Variants in MAN2A1 observed in about 807,000 individuals in gnomAD.
The protein encoded by MAN2A1 is mannosidase alpha class 2A member 1, also known as alpha-mannosidase 2.
Under a neutral mutation model 142.6 loss-of-function variants are expected in MAN2A1, and 76 were observed. The observed-to-expected ratio is 0.53, with a 90% confidence interval of 0.44 to 0.65. The LOEUF is 0.65. Ranked by LOEUF, MAN2A1 falls within the 30% of genes least tolerant of loss-of-function variation. The pLI, the probability that MAN2A1 is intolerant of heterozygous loss-of-function variation, is 0.00. For synonymous variants in MAN2A1, 559 were observed against 473.2 expected, an observed-to-expected ratio of 1.18 and a Z score of -2.35; for missense variants, 1,311 against 1,365.1, an observed-to-expected ratio of 0.96 and a Z score of 0.62.
intron 8 of MAN2A1, among the ~76,000 whole-genome samples, chr5:109,779,711 C>A (rs1753399183): frequency 6.6e-6 from 1 of 152,026 alleles, no homozygotes; most frequent in African/African-American, 2.4e-5. Flanking sequence ...ATTTAGTTAT[C>A]TGAACATTTT....
chr5:109,706,889 A>T (rs1443535715), intron 1 of MAN2A1, among the ~76,000 whole-genome samples: 1 of 152,194 alleles, frequency 6.6e-6, no homozygotes, highest in Non-Finnish European at 1.5e-5. Flanking sequence ...TACAGCTCTT[A>T]TAACTAGAAA....
At chr5:109,733,022 A>C (rs370500220) in intron 4 of MAN2A1, among the ~76,000 whole-genome samples, 4 of 151,998 alleles carry the variant, frequency 2.6e-5, no homozygotes, top group East Asian at 3.9e-4. Context: ...ATTTGTTTGT[A>C]TCCTCTTTTA....
chr5:109,732,929 A>T (rs1751961038), intron 4 of MAN2A1, among the ~76,000 whole-genome samples: 1 of 152,174 alleles, frequency 6.6e-6, no homozygotes, highest in African/African-American at 2.4e-5. Context: ...TGGGGATGGC[A>T]TTGAATCTAT....
Position 109,845,302 on chromosome 5 carries a change from G to A in MAN2A1, c.2701-563G>A, listed in dbSNP as rs146396177. On this transcript the variant is annotated intron_variant, in intron 17 of 21. Transcript: ENST00000261483. ...TTCAGGTACTAGGCTGCAAGGAATTGGAATTTGGAACTATCTACATTGAAA... is the reference window on the plus strand; with the variant it reads ...TTCAGGTACTAGGCTGCAAGGAATTAGAATTTGGAACTATCTACATTGAAA... Among the ~76,000 whole-genome samples, 883 of 152,190 alleles carry A rather than the reference G, an allele frequency of 5.8e-3. 8 individuals are homozygous for A. Among genetic ancestry groups the A allele is most frequent in the African/African-American group, 0.02 (836 of 41,534 alleles).
chr5:109,698,648 A>G (rs1750883124), intron 1 of MAN2A1, among the ~76,000 whole-genome samples: 1 of 152,198 alleles, frequency 6.6e-6, no homozygotes, highest in African/African-American at 2.4e-5. Flanking sequence ...GTCCAGAGAA[A>G]TTAAATGCTT....
chr5:109,831,494 G>T (rs943893387), intron 16 of MAN2A1, among the ~76,000 whole-genome samples: 5 of 152,176 alleles, frequency 3.3e-5, no homozygotes, highest in African/African-American at 1.2e-4. Flanking sequence ...AGAACTCTTT[G>T]TCCCTTATAT....
At chr5:109,832,587 C>T (rs1754942962) in intron 16 of MAN2A1, among the ~76,000 whole-genome samples, 2 of 152,324 alleles carry the variant, frequency 1.3e-5, no homozygotes, top group South Asian at 4.2e-4. Flanking sequence ...TACACAGACA[C>T]AGCAACAATC....
chr5:109,839,254 C>G (rs893642054), intron 16 of MAN2A1, among the ~76,000 whole-genome samples: 1 of 152,142 alleles, frequency 6.6e-6, no homozygotes, highest in African/African-American at 2.4e-5. Flanking sequence ...ATATACATTT[C>G]ATTTTGGCTT....
chr5:109,691,363 T>G (rs1035034707), intron 1 of MAN2A1, among the ~76,000 whole-genome samples: 15 of 152,204 alleles, frequency 9.9e-5, no homozygotes, highest in Admixed American at 3.9e-4. Context: ...CAGTTTCAAG[T>G]TACTTGCCAA....
chr5:109,763,496 T>A (rs568609999), intron 5 of MAN2A1, among the ~76,000 whole-genome samples: 33 of 151,336 alleles, frequency 2.2e-4, no homozygotes, highest in African/African-American at 7.8e-4. Context: ...TTTTTTTTAT[T>A]TTTAAGTTTT....
intron 4 of MAN2A1, among the ~76,000 whole-genome samples, chr5:109,734,621 G>A (rs1385735873): frequency 2.0e-5 from 3 of 152,084 alleles, no homozygotes; most frequent in Non-Finnish European, 2.9e-5. Flanking sequence ...CCTTCATTTT[G>A]TTATGTACCC....
At chr5:109,701,115 G>C (rs1361581006) in intron 1 of MAN2A1, among the ~76,000 whole-genome samples, 1 of 152,176 alleles carries the variant, frequency 6.6e-6, no homozygotes, top group African/African-American at 2.4e-5. Context: ...TAGGTTCTGG[G>C]AATACAGGAG....
In MAN2A1 at chr5:109,819,868, A is replaced by G; in HGVS notation, c.2309A>G (p.Asp770Gly). 6.3e-7 allele frequency: 1 copy of G among 1,593,530 alleles called. No homozygotes were observed. Among genetic ancestry groups the G allele is most frequent in the Non-Finnish European group, 8.5e-7 (1 of 1,170,320 alleles). Reference protein sequence around the residue: ...LENSFVLLRFDQTGLMKQMMT... With the variant: ...LENSFVLLRFGQTGLMKQMMT... ...AACTCCTTTGTTTTACTTCGGTTTG[A>G]TCAAACTGGACTTATGAAGGTATGT... Residue 770 changes from aspartate (D) to glycine (G), a missense_variant, in exon 14 of 22, where the codon GAT becomes GGT. Coordinates refer to ENST00000261483, the MANE Select transcript of MAN2A1 (RefSeq NM_002372.4).
At chr5:109,798,547 G>A (rs1753924988) in intron 12 of MAN2A1, among the ~76,000 whole-genome samples, 1 of 152,162 alleles carries the variant, frequency 6.6e-6, no homozygotes, top group African/African-American at 2.4e-5. Context: ...TTCACTATTA[G>A]CCTCTTTCAC....
At chr5:109,830,917 G>A (rs2112741467) in intron 16 of MAN2A1, among the ~76,000 whole-genome samples, 1 of 152,330 alleles carries the variant, frequency 6.6e-6, no homozygotes, top group South Asian at 2.1e-4. Context: ...CTTTGGGGCT[G>A]TTTGAGAGCA....
chr5:109,827,651 C>T (rs1754791645), intron 16 of MAN2A1, among the ~76,000 whole-genome samples: 2 of 152,210 alleles, frequency 1.3e-5, no homozygotes, highest in East Asian at 1.9e-4. Context: ...GAAGGGCTCT[C>T]TCTTTCTTAA....
chr5:109,864,999 T>C, intron 20 of MAN2A1, 37 bp from the exon 21 acceptor site: 1 of 1,358,764 alleles, frequency 7.4e-7, no homozygotes, highest in South Asian at 1.2e-5. Context: ...TTTGCTTTAT[T>C]GTCTGCGCGG....
At chr5:109,832,779 C>T (rs1754951115) in intron 16 of MAN2A1, among the ~76,000 whole-genome samples, 1 of 151,466 alleles carries the variant, frequency 6.6e-6, no homozygotes. Flanking sequence ...CTGCCCCCCA[C>T]CTCCCTCCCG....
intron 10 of MAN2A1, among the ~76,000 whole-genome samples, chr5:109,786,682 A>G (rs903000046): frequency 1.3e-5 from 2 of 152,248 alleles, no homozygotes; most frequent in Admixed American, 6.6e-5. Context: ...ATTTCAAAAC[A>G]TAAGTTAGAG....
Sources: gnomAD v4.1 joint callset for allele counts (sites outside exome capture counted in the v4.1 genomes callset) on GRCh38, gnomAD v4.1.1 for gene constraint, MANE v1.5 for transcripts, NCBI Gene and HGNC (gene_info 2026-07-23, HGNC 2026-07-21) for gene names.